NAV3: variants seen among roughly 807,000 people sequenced by gnomAD.
NAV3 encodes the protein neuron navigator 3, also known as pore membrane and/or filament interacting like protein 1.
Under a neutral mutation model 244.7 loss-of-function variants are expected in NAV3, and 87 were observed. That is an observed-to-expected ratio of 0.36 (90% CI 0.30 to 0.42). The LOEUF (loss-of-function observed/expected upper bound fraction) is 0.42. Among genes scored for constraint, NAV3 ranks in the 20% least tolerant of loss-of-function variants. The probability of loss-of-function intolerance (pLI) is 1.00; values close to 1 mark genes in which losing one functional copy is unlikely to be tolerated. For synonymous variants in NAV3, 1,126 were observed against 1,042.2 expected (o/e 1.08, Z -1.55); for missense variants, 2,663 against 2,893.3 (o/e 0.92, Z 1.83).
rs374027346 is a variant in NAV3 at position 77,986,156 on chromosome 12, G to A, written c.672-8647G>A. Among the ~76,000 whole-genome samples, 5 of 152,288 alleles carry A rather than the reference G, an allele frequency of 3.3e-5. No homozygotes were observed. The East Asian group carries it at 5.8e-4, about 18-fold the overall frequency. On this transcript the variant is annotated intron_variant, in intron 5 of 39. Coordinates refer to ENST00000397909, the MANE Select transcript of NAV3 (RefSeq NM_001024383.2). ...GCGGGTGGATCACTTGAGGTCAGGA[G>A]TTTGAGACTAGTCTAGCCAACATGG...
Position 78,180,758 on chromosome 12 carries a change from A to G in NAV3, c.5518-113A>G, listed in dbSNP as rs144237793. ...CATATCTTATATTTCTTTATTTAAC[A>G]TATTAACATGTTTTATTTAACAAAC... On this transcript the variant is annotated intron_variant, in intron 29 of 39. Transcript: ENST00000397909. 19 of 822,904 alleles carry G rather than the reference A, an allele frequency of 2.3e-5. No homozygotes were observed. In the African/African-American group the frequency reaches 3.3e-4, roughly 14 times the overall value. 51.0% of individuals were successfully genotyped at this position (822,904 alleles called of 1,614,324 possible).
chr12:77,734,103 G>C (rs1350500503), intron 2 of NAV3, among the ~76,000 whole-genome samples: 2 of 151,966 alleles, frequency 1.3e-5, no homozygotes, highest in Non-Finnish European at 2.9e-5. Context: ...ATTTCAATGG[G>C]ATAGCATCCA....
intron 39 of NAV3, among the ~76,000 whole-genome samples, chr12:78,207,489 A>G (rs7304149): frequency 0.012 from 1,884 of 152,302 alleles, 34 homozygotes; most frequent in African/African-American, 0.042. Flanking sequence ...CTGCAGTAAC[A>G]TAATAGAGGC....
At chr12:78,149,413 G>C (rs149990599) in intron 22 of NAV3, among the ~76,000 whole-genome samples, 1,581 of 152,206 alleles carry the variant, frequency 0.01, 14 homozygotes, top group Non-Finnish European at 0.016. Flanking sequence ...AAAAAACCTT[G>C]GCAGCCTTCT....
chr12:77,887,046 A>C (rs1331607658), intron 1 of NAV3, among the ~76,000 whole-genome samples: 1 of 152,174 alleles, frequency 6.6e-6, no homozygotes, highest in Non-Finnish European at 1.5e-5. Context: ...TAATGATACA[A>C]ATATTGACCT....
At chr12:77,823,847 A>G (rs1872848874) in intron 2 of NAV3, among the ~76,000 whole-genome samples, 1 of 152,224 alleles carries the variant, frequency 6.6e-6, no homozygotes, top group Non-Finnish European at 1.5e-5. Context: ...TGTTAAAACA[A>G]CTATTATAAA....
At chr12:77,606,604 C>A (rs11105880) in intron 2 of NAV3, among the ~76,000 whole-genome samples, 4 of 151,938 alleles carry the variant, frequency 2.6e-5, no homozygotes, top group African/African-American at 9.7e-5. Context: ...CTGAGTTCAT[C>A]TGTTATATGT....
At chr12:77,755,691 T>C (rs1266191295) in intron 2 of NAV3, among the ~76,000 whole-genome samples, 1 of 148,632 alleles carries the variant, frequency 6.7e-6, no homozygotes, top group Non-Finnish European at 1.5e-5. Flanking sequence ...TTTCTTCCTT[T>C]ATTTTCTTTC....
At chr12:77,857,269 A>T (rs1878532486) in intron 1 of NAV3, among the ~76,000 whole-genome samples, 1 of 152,052 alleles carries the variant, frequency 6.6e-6, no homozygotes, top group African/African-American at 2.4e-5. Flanking sequence ...AGTTTTTATA[A>T]GAGTTAGACA....
intron 2 of NAV3, among the ~76,000 whole-genome samples, chr12:77,586,858 A>G (rs2136699097): frequency 6.6e-6 from 1 of 152,320 alleles, no homozygotes; most frequent in South Asian, 2.1e-4. Context: ...GGAAAGTTCA[A>G]TAGGCTGCTG....
chr12:77,719,550 T>G (rs559020076), intron 2 of NAV3, among the ~76,000 whole-genome samples: 1 of 152,280 alleles, frequency 6.6e-6, no homozygotes, highest in African/African-American at 2.4e-5. Flanking sequence ...TTTCTGCCCC[T>G]GTTGACATAA....
chr12:77,722,178 A>G (rs955225230), intron 2 of NAV3, among the ~76,000 whole-genome samples: 1 of 152,064 alleles, frequency 6.6e-6, no homozygotes, highest in African/African-American at 2.4e-5. Flanking sequence ...TTAGAATGGG[A>G]ATTCTATGTA....
At chr12:77,941,904 C>T (rs1037833242) in intron 3 of NAV3, among the ~76,000 whole-genome samples, 1 of 152,132 alleles carries the variant, frequency 6.6e-6, no homozygotes, top group Admixed American at 6.5e-5. Context: ...CTCTTCAGCA[C>T]AGAATAGGCA....
intron 12 of NAV3, among the ~76,000 whole-genome samples, chr12:78,112,830 A>G (rs546426881): frequency 6.6e-6 from 1 of 152,274 alleles, no homozygotes; most frequent in Admixed American, 6.5e-5. Context: ...TTCAGTATTA[A>G]CACAAAAGTC....
chr12:77,711,322 CCTGCCCCACCTTTTG>C (rs1876103003), intron 2 of NAV3, among the ~76,000 whole-genome samples: 1 of 152,186 alleles, frequency 6.6e-6, no homozygotes, highest in African/African-American at 2.4e-5. Flanking sequence ...GCTTATGGCC[CCTGCCCCACCTTTTG>C]CTGTCTGTGC....
chr12:78,009,983 G>C (rs1874976900), intron 8 of NAV3, among the ~76,000 whole-genome samples: 1 of 152,134 alleles, frequency 6.6e-6, no homozygotes, highest in Non-Finnish European at 1.5e-5. Context: ...GGGAGGCCAA[G>C]GTGGGAGGAT....
At chr12:78,101,731 A>G (rs1667075) in intron 12 of NAV3, among the ~76,000 whole-genome samples, 30,815 of 152,034 alleles carry the variant, frequency 0.2, 3,169 homozygotes, top group Non-Finnish European at 0.23. Context: ...TTGACAGGTA[A>G]TGCACTGTGT....
intron 16 of NAV3, among the ~76,000 whole-genome samples, chr12:78,125,272 A>T (rs1300972423): frequency 1.3e-5 from 2 of 152,210 alleles, no homozygotes; most frequent in Non-Finnish European, 2.9e-5. Context: ...TTCATGATTT[A>T]CCTGTTTGTC....
At chr12:78,017,794 A>T (rs1876477661) in intron 8 of NAV3, among the ~76,000 whole-genome samples, 1 of 152,164 alleles carries the variant, frequency 6.6e-6, no homozygotes, top group South Asian at 2.1e-4. Flanking sequence ...ATCATGCATA[A>T]AAATAGAGGG....
Sources: gnomAD v4.1 joint callset for allele counts (sites outside exome capture counted in the v4.1 genomes callset) on GRCh38, gnomAD v4.1.1 for gene constraint, MANE v1.5 for transcripts, NCBI Gene and HGNC (gene_info 2026-07-23, HGNC 2026-07-21) for gene names.